PDE1A: variants seen among roughly 807,000 people sequenced by gnomAD.
PDE1A encodes dual specificity calcium/calmodulin-dependent 3',5'-cyclic nucleotide phosphodiesterase 1A.
In PDE1A, 35 loss-of-function variants were observed where a neutral mutation model predicts 61.7. That is an observed-to-expected ratio of 0.57 (90% CI 0.43 to 0.75). The LOEUF is 0.75. Among genes scored for constraint, PDE1A ranks in the 30% least tolerant of loss-of-function variants. The pLI, the probability that PDE1A is intolerant of heterozygous loss-of-function variation, is 0.00. For synonymous variants in PDE1A, 232 were observed against 213.2 expected (o/e 1.09, Z -0.77); for missense variants, 597 against 630.6 (o/e 0.95, Z 0.57).
chr2:182,236,224 A>C (rs906391434), intron 3 of PDE1A, among the ~76,000 whole-genome samples: 1 of 152,180 alleles, frequency 6.6e-6, no homozygotes, highest in Non-Finnish European at 1.5e-5. Context: ...TTAAAACTAA[A>C]AATACTTATA....
chr2:182,589,269 GAGGA>G, the PDE1A span, among the ~76,000 whole-genome samples: 7,662 of 121,846 alleles, frequency 0.063, 329 homozygotes, highest in African/African-American at 0.1. Flanking sequence ...GGGAGGGAGG[GAGGA>G]AGGAAGGAAG....
chr2:182,269,109 T>C (rs1229224774), intron 1 of PDE1A, among the ~76,000 whole-genome samples: 3 of 152,048 alleles, frequency 2.0e-5, no homozygotes, highest in Non-Finnish European at 2.9e-5. Flanking sequence ...ATAAATTCAA[T>C]AACTTAGATA....
intron 2 of PDE1A, among the ~76,000 whole-genome samples, chr2:182,472,637 G>A (rs1359364642): frequency 6.6e-6 from 1 of 151,832 alleles, no homozygotes; most frequent in Non-Finnish European, 1.5e-5. Context: ...TGGATGCACT[G>A]AAGACTCTGA....
At position 182,162,419 on chromosome 2, in the gene PDE1A, T is replaced by C. The variant is rs145090489; in HGVS notation, c.1517-15267A>G. On this transcript the variant is annotated intron_variant, in intron 13 of 13. Coordinates refer to the PDE1A transcript ENST00000409365. ...GATGGGAAGCTTACTATGCTCTTAC[T>C]TGAACTGTAGAAGCACAAAATTTCT... Among the ~76,000 whole-genome samples, 797 of 152,292 alleles carry C rather than the reference T, an allele frequency of 5.2e-3. 3 individuals carry two copies. Among genetic ancestry groups the C allele is most frequent in the African/African-American group, 0.017 (721 of 41,552 alleles).
At chr2:182,553,885 T>C in the PDE1A span, among the ~76,000 whole-genome samples, 5 of 152,356 alleles carry the variant, frequency 3.3e-5, 1 homozygote, top group South Asian at 2.1e-4. Flanking sequence ...AATCCCCGTA[T>C]GTCTGGAATG....
chr2:182,683,414 C>G, the PDE1A span, among the ~76,000 whole-genome samples: 2 of 152,018 alleles, frequency 1.3e-5, no homozygotes, highest in Non-Finnish European at 2.9e-5. Context: ...AATAGCGGAA[C>G]TGACTACACT....
the PDE1A span, among the ~76,000 whole-genome samples, chr2:182,618,101 TGTTGTTACATTTGA>T: frequency 6.6e-6 from 1 of 152,204 alleles, no homozygotes; most frequent in Admixed American, 6.5e-5. Context: ...ACGGACATTG[TGTTGTTACATTTGA>T]GTTTTATTAT....
At chr2:182,572,667 G>A in the PDE1A span, among the ~76,000 whole-genome samples, 1 of 152,012 alleles carries the variant, frequency 6.6e-6, no homozygotes, top group East Asian at 1.9e-4. Flanking sequence ...TCAGGAGATC[G>A]AGACCATCCT....
chr2:182,168,106 G>T, exon 14 of PDE1A: 1 of 1,378,062 alleles, frequency 7.3e-7, no homozygotes, highest in African/African-American at 1.5e-5. Context: ...TGTGGCTCAT[G>T]ATGCTTATTG....
intron 2 of PDE1A, among the ~76,000 whole-genome samples, chr2:182,454,815 C>T (rs1685787930): frequency 6.6e-6 from 1 of 151,498 alleles, no homozygotes; most frequent in Non-Finnish European, 1.5e-5. Flanking sequence ...CCATAAAAAC[C>T]CAGAAGAAAA....
chr2:182,645,774 A>C, the PDE1A span, among the ~76,000 whole-genome samples: 1 of 152,194 alleles, frequency 6.6e-6, no homozygotes, highest in East Asian at 1.9e-4. Flanking sequence ...CATAACTGTT[A>C]ATTTGAAAAG....
chr2:182,456,502 A>G (rs1419309148), intron 2 of PDE1A, among the ~76,000 whole-genome samples: 1 of 152,124 alleles, frequency 6.6e-6, no homozygotes, highest in Non-Finnish European at 1.5e-5. Context: ...AAATAAAAGT[A>G]GTACAATAAA....
chr2:182,264,900 T>C (rs2125791950), intron 1 of PDE1A, among the ~76,000 whole-genome samples: 1 of 144,904 alleles, frequency 6.9e-6, no homozygotes, highest in Middle Eastern at 3.6e-3. Flanking sequence ...TATGTATATA[T>C]ATACACCATG....
At chr2:182,165,428 G>A (rs1691606485), downstream of PDE1A, among the ~76,000 whole-genome samples, 2 of 152,118 alleles carry the variant, frequency 1.3e-5, no homozygotes, top group African/African-American at 4.8e-5. Context: ...TAGGGTGTTG[G>A]CTAGGGTGAT....
chr2:182,369,984 G>A (rs758582219), intron 1 of PDE1A, among the ~76,000 whole-genome samples: 6 of 152,086 alleles, frequency 3.9e-5, no homozygotes, highest in Non-Finnish European at 5.9e-5. Flanking sequence ...AGACCATCCT[G>A]GCCAACATGG....
At chr2:182,485,430 T>C (rs914271828) in intron 2 of PDE1A, among the ~76,000 whole-genome samples, 2 of 152,142 alleles carry the variant, frequency 1.3e-5, no homozygotes, top group South Asian at 4.1e-4. Context: ...GCTTAATACC[T>C]GGGTGATGAA....
At chr2:182,460,649 T>C (rs1686223503) in intron 2 of PDE1A, among the ~76,000 whole-genome samples, 1 of 152,154 alleles carries the variant, frequency 6.6e-6, no homozygotes, top group African/African-American at 2.4e-5. Flanking sequence ...GAATTGTTAG[T>C]GGACAGAATT....
At chr2:182,160,847 G>C (rs190947207) in intron 13 of PDE1A, among the ~76,000 whole-genome samples, 1 of 152,128 alleles carries the variant, frequency 6.6e-6, no homozygotes, top group Non-Finnish European at 1.5e-5. Flanking sequence ...TGCCAGGAAT[G>C]GTTCTAGAGG....
chr2:182,430,649 C>T (rs1434745221), upstream of PDE1A, among the ~76,000 whole-genome samples: 3 of 113,470 alleles, frequency 2.6e-5, no homozygotes, highest in Admixed American at 9.7e-5. Context: ...TATAAAGACA[C>T]ATGCACACGT....
Sources: gnomAD v4.1 joint callset for allele counts (sites outside exome capture counted in the v4.1 genomes callset) on GRCh38, gnomAD v4.1.1 for gene constraint, MANE v1.5 for transcripts, NCBI Gene and HGNC (gene_info 2026-07-23, HGNC 2026-07-21) for gene names.